The following OPRM1 variants were observed in gnomAD, a reference collection of about 807,000 sequenced individuals.
The protein encoded by OPRM1 is mu-type opioid receptor.
Under a neutral mutation model 31.8 loss-of-function variants are expected in OPRM1, and 27 were observed. The observed-to-expected ratio is 0.85, with a 90% CI of 0.63 to 1.17. OPRM1 has a LOEUF of 1.17. Among genes scored for constraint, OPRM1 ranks in the 50% most tolerant of loss-of-function variants. OPRM1 has a pLI of 0.00. For synonymous variants in OPRM1, 196 were observed against 189.9 expected (o/e 1.03, Z -0.26); for missense variants, 536 against 511.1 (o/e 1.05, Z -0.47).
At chr6:154,156,568 T>C (rs1039180882) in intron 3 of OPRM1, 1 of 152,196 alleles carries the variant, frequency 6.6e-6, no homozygotes, top group African/African-American at 2.4e-5. Context: ...ACACACCAAT[T>C]TGCAAACTAC....
rs1210971158 is a variant in OPRM1 at position 154,121,295 on chromosome 6, C to T, written c.*2574C>T. On this transcript the variant is annotated 3_prime_UTR_variant, in exon 4 of 4. Coordinates refer to ENST00000330432, the MANE Select transcript of OPRM1 (RefSeq NM_000914.5). ...GTTCCAAGTAGTTAGTGGTTTTTCT[C>T]CTTCAGTCTCCACTGTTATTTTGCT... 6.6e-6 allele frequency among the ~76,000 whole-genome samples: 1 copy of T among 152,114 alleles called. No homozygotes were observed. Among genetic ancestry groups the T allele is most frequent in the Non-Finnish European group, 1.5e-5 (1 of 68,014 alleles).
Position 154,200,591 on chromosome 6 carries a change from C to T in OPRM1, c.1165-46102C>T, listed in dbSNP as rs191368898. On this transcript the variant is annotated intron_variant, in intron 3 of 3. Transcript: ENST00000337049. ...CAAAAATTAGCCTGGCTTGGTGGCGCGCACCTGTAGTCCCAGCTATTCAGG... is the reference window on the plus strand; with the variant it reads ...CAAAAATTAGCCTGGCTTGGTGGCGTGCACCTGTAGTCCCAGCTATTCAGG... Among the ~76,000 whole-genome samples the T allele has an allele frequency of 2.3e-4, 35 of 152,046 alleles. No individual in the cohort carries two copies. The South Asian group carries it at 6.2e-3, about 27-fold the overall frequency.
Position 154,094,165 on chromosome 6 carries a change from T to C in OPRM1, c.1164+2693T>C, listed in dbSNP as rs983593117. The C allele has an allele frequency of 1.1e-5, 12 of 1,142,148 alleles. No homozygotes were observed. The Admixed American group carries it at 1.4e-4, about 13-fold the overall frequency. 70.8% of individuals were successfully genotyped at this position (1,142,148 alleles called of 1,614,324 possible). On this transcript the variant is annotated intron_variant, in intron 3 of 3. Coordinates refer to ENST00000330432, the MANE Select transcript of OPRM1 (RefSeq NM_000914.5). ...TTTCTTTGAGGAATATATTATACTC[T>C]ATATGTCACATTTCAAGCACATTAG... is the stretch of plus-strand genomic sequence containing the variant.
chr6:154,110,253 A>G, intron 3 of OPRM1: 3 of 611,590 alleles, frequency 4.9e-6, no homozygotes, highest in Non-Finnish European at 8.5e-6. Flanking sequence ...AAAAAAATCT[A>G]TGTACCTTTG....
intron 3 of OPRM1, among the ~76,000 whole-genome samples, chr6:154,139,235 T>C (rs1316419692): frequency 1.3e-5 from 2 of 152,244 alleles, no homozygotes; most frequent in Admixed American, 1.3e-4. Context: ...ATTGATAGGT[T>C]ACAAAGGCAG....
intron 1 of OPRM1, among the ~76,000 whole-genome samples, chr6:154,043,249 T>G (rs1044747703): frequency 3.3e-5 from 5 of 152,206 alleles, no homozygotes; most frequent in African/African-American, 9.6e-5. Context: ...TTAATGTGGT[T>G]AGATAAATTC....
intron 3 of OPRM1, among the ~76,000 whole-genome samples, chr6:154,233,923 G>A (rs77487994): frequency 2.0e-5 from 3 of 152,154 alleles, no homozygotes; most frequent in Non-Finnish European, 4.4e-5. Context: ...AATGCCCCCA[G>A]CTAGGCCGGA....
chr6:154,020,260 G>T (rs1778285381), intron 1 of OPRM1, among the ~76,000 whole-genome samples: 1 of 152,068 alleles, frequency 6.6e-6, no homozygotes, highest in South Asian at 2.1e-4. Context: ...AATATGTTTA[G>T]TTTTTTAAGA....
intron 1 of OPRM1, among the ~76,000 whole-genome samples, chr6:154,012,214 A>G (rs903721700): frequency 6.6e-6 from 1 of 152,206 alleles, no homozygotes; most frequent in Non-Finnish European, 1.5e-5. Context: ...TTCTGAAATA[A>G]TCTCAAGCAA....
chr6:154,187,164 T>A (rs1257036419), intron 3 of OPRM1, among the ~76,000 whole-genome samples: 1 of 152,102 alleles, frequency 6.6e-6, no homozygotes, highest in East Asian at 1.9e-4. Context: ...CCCTCTCCCC[T>A]CCATAGTTTT....
At chr6:154,199,642 G>T in intron 3 of OPRM1, 1 of 1,553,014 alleles carries the variant, frequency 6.4e-7, no homozygotes, top group Non-Finnish European at 8.7e-7. Context: ...ACTCTCTAAC[G>T]AAGAATAAAT....
In OPRM1 at chr6:154,148,961, C is replaced by T. The variant is rs576650898; in HGVS notation, c.1164+57489C>T. ...TTCCTGGAAATCAGAAACAATGTGGCCCCTGTATACAATTTTTCTTAAAAG... is the reference window on the plus strand; with the variant it reads ...TTCCTGGAAATCAGAAACAATGTGGTCCCTGTATACAATTTTTCTTAAAAG... On this transcript the variant is annotated intron_variant, in intron 3 of 3. Coordinates refer to the OPRM1 transcript ENST00000337049. 9.2e-5 allele frequency among the ~76,000 whole-genome samples: 14 copies of T among 152,278 alleles called. No individual in the cohort carries two copies. The East Asian group carries it at 2.3e-3, about 25-fold the overall frequency.
rs7759388 is a variant in OPRM1 at position 154,246,542 on chromosome 6, G to A, written c.1165-151G>A. 0.15 allele frequency: 239,186 copies of A among 1,560,458 alleles called. 19,767 individuals carry two copies. The highest frequency in any genetic ancestry group is 0.17 in the Non-Finnish European group (197,355 of 1,148,508). ...ATAGGGATCACCTGATGCCTTTAAC[G>A]TATCCCTCATTAAAACGGCTGGGAA... On this transcript the variant is annotated intron_variant, in intron 3 of 3. Transcript: ENST00000337049.
chr6:154,200,333 T>G (rs553122610), intron 3 of OPRM1, among the ~76,000 whole-genome samples: 6 of 152,320 alleles, frequency 3.9e-5, no homozygotes, highest in African/African-American at 1.4e-4. Context: ...AGGCCTCTTT[T>G]GGGAATGCTT....
chr6:154,153,840 G>C (rs1263796834), intron 3 of OPRM1, among the ~76,000 whole-genome samples: 1 of 152,174 alleles, frequency 6.6e-6, no homozygotes, highest in African/African-American at 2.4e-5. Context: ...TTCTCCCCCA[G>C]AGCCTCCACA....
chr6:154,110,242 GA>G (rs34045478), intron 3 of OPRM1: 5 of 578,496 alleles, frequency 8.6e-6, no homozygotes, highest in African/African-American at 3.9e-5. Flanking sequence ...GATATTACAA[GA>G]AAAAAATCTA....
rs563954620 is a variant in OPRM1, at chr6:154,137,933, A to T, written c.1164+46461A>T. Among the ~76,000 whole-genome samples, 15 of 152,398 alleles carry T rather than the reference A, an allele frequency of 9.8e-5. No homozygotes were observed. In the South Asian group the frequency reaches 3.1e-3, roughly 32 times the overall value. ...TTTCTGTTAAAGAGCCCTCACGTTC[A>T]TGAAGAATATTCAGAATTCATTTGT... On this transcript the variant is annotated intron_variant, in intron 3 of 3. Transcript: ENST00000337049.
chr6:154,093,185 G>T, intron 3 of OPRM1: 1 of 1,191,764 alleles, frequency 8.4e-7, no homozygotes. Flanking sequence ...CCTCAGCTAA[G>T]GATAAAATAT....
At position 154,039,278 on chromosome 6, in the gene OPRM1, G is replaced by A. The variant is rs199671121; in HGVS notation, c.-267G>A. On this transcript the variant is annotated 5_prime_UTR_variant, in exon 1 of 4. Coordinates refer to ENST00000330432, the MANE Select transcript of OPRM1 (RefSeq NM_000914.5). ...AGCCTCCGAATCCCGCATGGCCCACGCTCCCCTCCTGCAGCGGTGCGGGGC... is the reference window on the plus strand; with the variant it reads ...AGCCTCCGAATCCCGCATGGCCCACACTCCCCTCCTGCAGCGGTGCGGGGC... The A allele has an allele frequency of 1.3e-6, 2 of 1,551,232 alleles. No individual in the cohort carries two copies. Among genetic ancestry groups the A allele is most frequent in the Non-Finnish European group, 1.7e-6 (2 of 1,146,878 alleles).
Sources: allele counts gnomAD v4.1 joint callset (sites outside exome capture counted in the v4.1 genomes callset), GRCh38; gene constraint gnomAD v4.1.1; transcripts MANE v1.5; gene names NCBI Gene and HGNC (gene_info 2026-07-23, HGNC 2026-07-21).